Variants in UBE2D2 observed in about 807,000 individuals in gnomAD.
UBE2D2 encodes ubiquitin conjugating enzyme E2 D2.
In UBE2D2, 2 loss-of-function variants were observed where a neutral mutation model predicts 24.2. The ratio of observed to expected loss-of-function variants is 0.08; its 90% CI spans 0.03 to 0.26. The LOEUF (loss-of-function observed/expected upper bound fraction) is 0.26, where lower values mean the gene tolerates loss of function less well. Ranked by LOEUF, UBE2D2 falls within the 10% of genes least tolerant of loss-of-function variation. The probability of loss-of-function intolerance (pLI) is 1.00; values close to 1 mark genes in which losing one functional copy is unlikely to be tolerated. For missense variants in UBE2D2, 44 were observed against 177.6 expected, an observed-to-expected ratio of 0.25 and a Z score of 4.28; for synonymous variants, 58 against 56.5, an observed-to-expected ratio of 1.03 and a Z score of -0.12.
Position 139,567,247 on chromosome 5 carries a change from G to A in UBE2D2, c.24+5432G>A, listed in dbSNP as rs900865334. ...CCCGAGCAGCTGAGACTACAAGCTC[G>A]CACCACCACGCCCAGCTAATTTTTG... On this transcript the variant is annotated intron_variant, in intron 1 of 6. Transcript: ENST00000398733. 5.3e-5 allele frequency among the ~76,000 whole-genome samples: 8 copies of A among 151,956 alleles called. No homozygotes were observed. In the South Asian group the frequency reaches 1.5e-3, roughly 28 times the overall value.
chr5:139,600,519 C>T, intron 2 of UBE2D2, 84 bp downstream of exon 2: 1 of 1,404,798 alleles, frequency 7.1e-7, no homozygotes, highest in Non-Finnish European at 9.9e-7. Context: ...AGGGAAGAGG[C>T]AGTGTTTAAC....
At chr5:139,591,554 C>T (rs930631165) in intron 1 of UBE2D2, among the ~76,000 whole-genome samples, 7 of 152,040 alleles carry the variant, frequency 4.6e-5, no homozygotes, top group African/African-American at 1.4e-4. Flanking sequence ...ATGTTTCCAT[C>T]GGTTTGTCTG....
At chr5:139,578,324 A>T (rs983322326) in intron 1 of UBE2D2, among the ~76,000 whole-genome samples, 4 of 152,138 alleles carry the variant, frequency 2.6e-5, no homozygotes, top group Admixed American at 2.6e-4. Context: ...ATAGAAGTAG[A>T]AGTAGTTTTA....
At position 139,548,193 on chromosome 5, in the gene UBE2D2, A is replaced by AATAAATAAATAAAT. The variant is rs1752862553; in HGVS notation, c.-64+21582_-64+21583insTAAATAAATAAATA. Among the ~76,000 whole-genome samples the AATAAATAAATAAAT allele has an allele frequency of 5.9e-3, 279 of 46,900 alleles. 6 individuals are homozygous for AATAAATAAATAAAT. The highest frequency in any genetic ancestry group is 8.8e-3 in the Admixed American group (37 of 4,214). 30.8% of individuals were successfully genotyped at this position (46,900 alleles called of 152,430 possible). ...AAAAAAAAAAAAAAAATAAAAAAAA[A>AATAAATAAATAAAT]AAATAAATAAATAAATAAATAAACG... On this transcript the variant is annotated intron_variant, in intron 1 of 6. Transcript: ENST00000511725.
chr5:139,603,056 T>A (rs1043836752), intron 2 of UBE2D2, among the ~76,000 whole-genome samples: 6 of 152,178 alleles, frequency 3.9e-5, no homozygotes, highest in African/African-American at 1.2e-4. Context: ...AGATTCTCCA[T>A]GTGAACTCAC....
intron 1 of UBE2D2, among the ~76,000 whole-genome samples, chr5:139,544,326 C>T (rs574541260): frequency 6.0e-5 from 9 of 149,430 alleles, no homozygotes; most frequent in Non-Finnish European, 1.0e-4. Context: ...TTGCTCTTGT[C>T]GCACAGGCTG....
At chr5:139,609,086 CAA>C (rs539562256) in intron 2 of UBE2D2, among the ~76,000 whole-genome samples, 1 of 138,704 alleles carries the variant, frequency 7.2e-6, no homozygotes. Context: ...GACTCCATCT[CAA>C]AAAAAAAAAA....
At chr5:139,590,439 AAAAT>A (rs1331386366) in intron 1 of UBE2D2, among the ~76,000 whole-genome samples, 1 of 151,000 alleles carries the variant, frequency 6.6e-6, no homozygotes, top group Non-Finnish European at 1.5e-5. Flanking sequence ...TGTCTCAAAA[AAAAT>A]AAAAAAAAAA....
At chr5:139,562,294 C>T in intron 1 of UBE2D2, 2 of 1,351,874 alleles carry the variant, frequency 1.5e-6, no homozygotes, top group Non-Finnish European at 9.8e-7. Flanking sequence ...AGCCGTTTTG[C>T]CCGATCCACA....
chr5:139,608,983 G>C (rs963302470), intron 2 of UBE2D2, among the ~76,000 whole-genome samples: 6 of 151,614 alleles, frequency 4.0e-5, no homozygotes, highest in Admixed American at 2.6e-4. Context: ...GCTACTCAGG[G>C]AGCTGAGGCA....
At chr5:139,587,507 C>T (rs764429622) in intron 1 of UBE2D2, among the ~76,000 whole-genome samples, 3 of 151,710 alleles carry the variant, frequency 2.0e-5, no homozygotes, top group Non-Finnish European at 4.4e-5. Flanking sequence ...GGCGAAACCC[C>T]GTCTCTACTA....
chr5:139,589,357 G>C (rs1190339390), intron 1 of UBE2D2, among the ~76,000 whole-genome samples: 1 of 152,098 alleles, frequency 6.6e-6, no homozygotes, highest in Non-Finnish European at 1.5e-5. Context: ...TCAGGAGTTC[G>C]AGACTAGCCT....
At chr5:139,619,350 C>G (rs1754470176) in intron 5 of UBE2D2, among the ~76,000 whole-genome samples, 1 of 149,116 alleles carries the variant, frequency 6.7e-6, no homozygotes, top group Admixed American at 6.7e-5. Context: ...GAGCCAACAT[C>G]ACACCACTGT....
At chr5:139,600,037 A>G (rs1276379857) in intron 1 of UBE2D2, among the ~76,000 whole-genome samples, 1 of 152,012 alleles carries the variant, frequency 6.6e-6, no homozygotes, top group African/African-American at 2.4e-5. Context: ...ACCTCAAGTG[A>G]TCTGCCCGCC....
At chr5:139,626,301 C>T (rs948183773) in intron 6 of UBE2D2, among the ~76,000 whole-genome samples, 1 of 152,140 alleles carries the variant, frequency 6.6e-6, no homozygotes, top group Non-Finnish European at 1.5e-5. Flanking sequence ...AACGCCTGGG[C>T]TCAAGTGATC....
At chr5:139,610,222 G>A (rs556662799) in intron 2 of UBE2D2, among the ~76,000 whole-genome samples, 8 of 152,002 alleles carry the variant, frequency 5.3e-5, no homozygotes, top group South Asian at 2.1e-4. Context: ...CGATAAAAAC[G>A]CTACAAACAC....
At chr5:139,536,086 TTTA>T (rs1324464139) in intron 1 of UBE2D2, among the ~76,000 whole-genome samples, 2 of 151,314 alleles carry the variant, frequency 1.3e-5, no homozygotes, top group African/African-American at 2.4e-5. Flanking sequence ...TATGTATTTA[TTTA>T]TTATTTTATT....
intron 5 of UBE2D2, among the ~76,000 whole-genome samples, chr5:139,615,256 G>A (rs891583261): frequency 3.3e-5 from 5 of 152,088 alleles, no homozygotes; most frequent in African/African-American, 9.7e-5. Context: ...AGGCCGAGGC[G>A]GGCAGATCAC....
At chr5:139,530,684 AAAATTTAACC>A (rs1752588303) in intron 1 of UBE2D2, among the ~76,000 whole-genome samples, 1 of 152,206 alleles carries the variant, frequency 6.6e-6, no homozygotes, top group Non-Finnish European at 1.5e-5. Context: ...GAGTTTGTAG[AAAATTTAACC>A]GTACTAATTA....
Sources: allele counts gnomAD v4.1 joint callset (sites outside exome capture counted in the v4.1 genomes callset), GRCh38; gene constraint gnomAD v4.1.1; transcripts MANE v1.5; gene names NCBI Gene and HGNC (gene_info 2026-07-23, HGNC 2026-07-21).